The following CLUH variants were observed in gnomAD, a reference collection of about 807,000 sequenced individuals.
CLUH encodes CLUH binding protein of NUMT mRNA.
In CLUH, 77 loss-of-function variants were observed where a neutral mutation model predicts 139.3. That is an observed-to-expected ratio of 0.55 (90% CI 0.46 to 0.67). The LOEUF (loss-of-function observed/expected upper bound fraction) is 0.67, where lower values mean the gene tolerates loss of function less well. Ranked by LOEUF, CLUH falls within the 30% of genes least tolerant of loss-of-function variation. The pLI is 0.00. For synonymous variants in CLUH, 999 were observed against 801.6 expected, an observed-to-expected ratio of 1.25 and a Z score of -4.16; for missense variants, 1,876 against 1,875.8, an observed-to-expected ratio of 1.00 and a Z score of 0.00.
intron 1 of CLUH, among the ~76,000 whole-genome samples, chr17:2,710,289 G>T (rs1369875847): frequency 6.6e-6 from 1 of 152,220 alleles, no homozygotes; most frequent in Non-Finnish European, 1.5e-5. Context: ...CTGGTAGGTT[G>T]GGGCGATGAG....
intron 9 of CLUH, among the ~76,000 whole-genome samples, chr17:2,700,161 C>G (rs1027320693): frequency 1.3e-5 from 2 of 152,214 alleles, no homozygotes; most frequent in East Asian, 1.9e-4. Flanking sequence ...CCCGCTCCTT[C>G]CAGGGACTCA....
chr17:2,693,824 T>C, intron 19 of CLUH, 76 bp downstream of exon 19: 2 of 1,514,730 alleles, frequency 1.3e-6, no homozygotes, highest in Non-Finnish European at 1.8e-6. Flanking sequence ...CTCCACCCAC[T>C]CCTCCGTCAG....
chr17:2,700,266 A>C (rs1250361841), intron 9 of CLUH, 116 bp downstream of exon 9: 1 of 925,618 alleles, frequency 1.1e-6, no homozygotes, highest in Non-Finnish European at 1.6e-6. Context: ...GCCTTCGGGG[A>C]ACCTGACAGG....
intron 7 of CLUH, 34 bp downstream of exon 7, chr17:2,701,106 C>A (rs566881185): frequency 2.5e-6 from 4 of 1,613,338 alleles, no homozygotes; most frequent in African/African-American, 2.7e-5. Context: ...CCCCGTGTGC[C>A]ATGAGACAAG....
intron 1 of CLUH, among the ~76,000 whole-genome samples, chr17:2,708,860 CGG>C (rs58322536): frequency 0.022 from 967 of 44,160 alleles, 12 homozygotes; most frequent in African/African-American, 0.043. Context: ...AGCCTCTACT[CGG>C]GGGGGGGGGA....
chr17:2,699,915 C>T (rs1203676335), intron 9 of CLUH, among the ~76,000 whole-genome samples: 1 of 152,254 alleles, frequency 6.6e-6, no homozygotes, highest in African/African-American at 2.4e-5. Flanking sequence ...CAGGCATGAG[C>T]TACTGAAGCC....
chr17:2,696,196 G>C lies in CLUH; in HGVS notation c.2354C>G (p.Ala785Gly). The change falls in exon 13 of 26, where the codon GCG becomes GGG. Residue 785 changes from alanine (A) to glycine (G), a missense_variant. Around this residue, in one of 3 missense-constraint regions of CLUH, gnomAD observed 1,454 missense variants for 1,384.4 expected, o/e 1.05. Coordinates refer to ENST00000651024, the MANE Select transcript of CLUH (RefSeq NM_001366661.1). ...CTGGCAGGAGAGCAGGAAGGCAGCCGCGTCCTTCAGCAGCTGCTTCTGGTC... is the reference window on the plus strand; with the variant it reads ...CTGGCAGGAGAGCAGGAAGGCAGCCCCGTCCTTCAGCAGCTGCTTCTGGTC... ...VRDQKQLLKD[A>G]AAFLLSCQIP... 1 of 1,572,692 alleles carries C rather than the reference G, an allele frequency of 6.4e-7. No individual in the cohort carries two copies. The highest frequency in any genetic ancestry group is 8.6e-7 in the Non-Finnish European group (1 of 1,159,660).
At chr17:2,699,863 C>A (rs924620746) in intron 9 of CLUH, among the ~76,000 whole-genome samples, 1 of 152,194 alleles carries the variant, frequency 6.6e-6, no homozygotes, top group Non-Finnish European at 1.5e-5. Context: ...AACTCCTGAC[C>A]TTGTGATCCG....
In CLUH at chr17:2,692,468, C is replaced by G. The variant is rs1466098255; in HGVS notation, c.3453G>C (p.Leu1151=). The G allele has an allele frequency of 2.3e-5, 36 of 1,599,572 alleles. No individual in the cohort carries two copies. Among genetic ancestry groups the G allele is most frequent in the Non-Finnish European group, 3.0e-5 (35 of 1,178,070 alleles). ...EMALLDNNIG[L]VLHGVMEYDL... is the part of the protein sequence containing the mutation. ...CGTACTCCATCACCCCGTGCAGCAC[C>G]AGCCCGATGTTGTTCTGGGGGCAGG... is the stretch of plus-strand genomic sequence containing the variant. Residue 1151 remains leucine (L), a synonymous_variant, in exon 22 of 26, where the codon CTG becomes CTC. Coordinates refer to ENST00000651024, the MANE Select transcript of CLUH (RefSeq NM_001366661.1).
Position 2,703,263 on chromosome 17 carries a change from T to C in CLUH, c.475+55A>G, listed in dbSNP as rs576462696. On this transcript the variant is annotated intron_variant, in intron 3 of 25. Coordinates refer to ENST00000651024, the MANE Select transcript of CLUH (RefSeq NM_001366661.1). This position sits in a 1 kb window ranked among gnomAD's most constrained non-coding sequence, Gnocchi z 4.2. ...GGACCCTGGCATGGATGGTGCTGCC[T>C]GCCTCTGCCTCCGTGGGCCCTCCCC... The C allele has an allele frequency of 1.9e-6, 3 of 1,544,622 alleles. No homozygotes were observed. Among genetic ancestry groups the C allele is most frequent in the Non-Finnish European group, 2.6e-6 (3 of 1,142,176 alleles).
Position 2,696,494 on chromosome 17 carries a change from C to T in CLUH, c.2230G>A (p.Val744Ile), listed in dbSNP as rs745649184. 1.3e-6 allele frequency: 2 copies of T among 1,591,390 alleles called. No individual in the cohort carries two copies. Among genetic ancestry groups the T allele is most frequent in the Non-Finnish European group, 1.7e-6 (2 of 1,171,260 alleles). ...REVIRNACKA[V>I]GSISSTAFDI... ...AAGGCGGTGCTGCTGATGGAGCCGA[C>T]CGCCTTGCACGCGTTGCGGATCACC... Residue 744 changes from valine to isoleucine, a missense_variant, in exon 12 of 26, where the codon GTC becomes ATC. Transcript: ENST00000651024.
Position 2,703,088 on chromosome 17 carries a change from A to C in CLUH, c.475+230T>G, listed in dbSNP as rs2070239418. Among the ~76,000 whole-genome samples, 1 of 152,124 alleles carries C rather than the reference A, an allele frequency of 6.6e-6. No individual in the cohort carries two copies. The highest frequency in any genetic ancestry group is 6.5e-5 in the Admixed American group (1 of 15,278). On this transcript the variant is annotated intron_variant, in intron 3 of 25. Coordinates refer to ENST00000651024, the MANE Select transcript of CLUH (RefSeq NM_001366661.1). This position sits in a 1 kb window ranked among gnomAD's most constrained non-coding sequence, Gnocchi z 4.2. ...TGATCCACACGCCTTGGCCTCCCAA[A>C]GTGTTGGGATTACAGGCGTGAGCCA...
Position 2,701,283 on chromosome 17 carries a change from G to A in CLUH, c.900-18C>T, listed in dbSNP as rs759655827. 6.2e-7 allele frequency: 1 copy of A among 1,609,580 alleles called. No homozygotes were observed. The highest frequency in any genetic ancestry group is 1.1e-5 in the South Asian group (1 of 90,486). On this transcript the variant is annotated intron_variant, in intron 6 of 25. Coordinates refer to ENST00000651024, the MANE Select transcript of CLUH (RefSeq NM_001366661.1). ...CTGTGGACCTGCAGGGAGAGGGCGG[G>A]CACTGAGCGGGGGCCCAGGTGTCTG...
chr17:2,696,071 C>G, intron 13 of CLUH, 88 bp downstream of exon 13: 1 of 1,083,074 alleles, frequency 9.2e-7, no homozygotes, highest in Non-Finnish European at 1.4e-6. Flanking sequence ...TCCTGCGAGC[C>G]TGTGTTCATG....
chr17:2,692,316 C>T, intron 22 of CLUH, 45 bp downstream of exon 22: 2 of 1,496,226 alleles, frequency 1.3e-6, no homozygotes, highest in Non-Finnish European at 1.8e-6. Flanking sequence ...CCGGCTGCCC[C>T]GCAGGCCTCC....
chr17:2,696,336 T>G (rs2151703060), intron 12 of CLUH, 77 bp from the exon 13 acceptor site: 4 of 1,502,398 alleles, frequency 2.7e-6, no homozygotes, highest in Non-Finnish European at 3.6e-6. Flanking sequence ...GGGGAAGCGC[T>G]CAGATGGGGG....
chr17:2,692,075 A>G lies in CLUH; in HGVS notation c.3583T>C (p.Tyr1195His), dbSNP rs748480811. 9.4e-6 allele frequency: 15 copies of G among 1,603,864 alleles called. No individual in the cohort carries two copies. Among genetic ancestry groups the G allele is most frequent in the Non-Finnish European group, 1.3e-5 (15 of 1,176,210 alleles). ...GACCGGAACTCAGCTTTGCTCTCGT[A>G]GACTCGGGCGACAAGGTGGTGGCTG... ...ALSHHLVARV[Y>H]ESKAEFRSAL... Residue 1195 changes from tyrosine to histidine, a missense_variant, in exon 23 of 26, where the codon TAC (tyrosine) becomes CAC (histidine). By Grantham distance (83) the Tyr-to-His change is moderately conservative (BLOSUM62 2). This residue lies in a region of CLUH where 1,454 missense variants were observed against 1,384.4 expected (regional missense o/e 1.05). Coordinates refer to ENST00000651024, the MANE Select transcript of CLUH (RefSeq NM_001366661.1).
In CLUH at chr17:2,701,190, G is replaced by C; in HGVS notation, c.975C>G (p.Asn325Lys). The C allele has an allele frequency of 1.9e-6, 3 of 1,614,006 alleles. No homozygotes were observed. Among genetic ancestry groups the C allele is most frequent in the Non-Finnish European group, 2.5e-6 (3 of 1,179,892 alleles). The change falls in exon 7 of 26, where the codon AAC becomes AAG. Residue 325 changes from asparagine to lysine, a missense_variant. Around this residue, in one of 3 missense-constraint regions of CLUH, gnomAD observed 270 missense variants for 354.7 expected, o/e 0.76. Coordinates refer to ENST00000651024, the MANE Select transcript of CLUH (RefSeq NM_001366661.1). Reference sequence around the variant, plus strand: ...TCTTCTTGAAGGTCGGGCTGATCTGGTTGAGCAGCTCCACTAGGGAATGGC... The same window carrying C: ...TCTTCTTGAAGGTCGGGCTGATCTGCTTGAGCAGCTCCACTAGGGAATGGC... ...FLSHSLVELLNQISPTFKKNF... is the reference protein window; with the variant it reads ...FLSHSLVELLKQISPTFKKNF...
intron 17 of CLUH, 98 bp from the exon 18 acceptor site, chr17:2,694,374 GA>G (rs1218410564): frequency 2.0e-6 from 3 of 1,521,198 alleles, no homozygotes; most frequent in Non-Finnish European, 2.7e-6. Context: ...CGGCTACCGT[GA>G]AAAAGCCACT....
Sources: allele counts gnomAD v4.1 joint callset (sites outside exome capture counted in the v4.1 genomes callset), GRCh38; gene constraint gnomAD v4.1.1; regional missense constraint gnomAD v4.1.1; non-coding constraint Gnocchi (gnomAD v3.1); transcripts MANE v1.5; gene names NCBI Gene and HGNC (gene_info 2026-07-23, HGNC 2026-07-21).